The following CPE variants were observed in gnomAD, a reference collection of about 807,000 sequenced individuals.
CPE encodes the protein carboxypeptidase E, also known as carbocypeptidase E.
In CPE, 17 loss-of-function variants were observed where a neutral mutation model predicts 53.5. The ratio of observed to expected loss-of-function variants is 0.32; its 90% CI spans 0.22 to 0.48. The LOEUF (loss-of-function observed/expected upper bound fraction) is 0.48, where lower values mean the gene tolerates loss of function less well. Ranked by LOEUF, CPE falls within the 20% of genes least tolerant of loss-of-function variation. The pLI is 0.99. For synonymous variants in CPE, 226 were observed against 228.8 expected (o/e 0.99, Z 0.11); for missense variants, 524 against 614.7 (o/e 0.85, Z 1.56).
intron 4 of CPE, among the ~76,000 whole-genome samples, chr4:165,483,212 T>C (rs1368503434): frequency 6.6e-6 from 1 of 152,166 alleles, no homozygotes; most frequent in Non-Finnish European, 1.5e-5. Context: ...GTACACCCAT[T>C]GTTTAGCTTC....
chr4:165,381,849 G>T lies in CPE; in HGVS notation c.307+2321G>T, dbSNP rs137885001. On this transcript the variant is annotated intron_variant, in intron 1 of 8. Transcript: ENST00000402744. ...TAAATGGCCTTTCAGTTTCTTTTAG[G>T]TTAAACTATTTTAAGAAGTAAAAAG... Among the ~76,000 whole-genome samples, 150 of 152,338 alleles carry T rather than the reference G, an allele frequency of 9.8e-4. 1 individual carries two copies. The East Asian group carries it at 0.027, about 27-fold the overall frequency.
chr4:165,468,361 T>A (rs1365932448), intron 3 of CPE, among the ~76,000 whole-genome samples: 1 of 152,184 alleles, frequency 6.6e-6, no homozygotes, highest in African/African-American at 2.4e-5. Flanking sequence ...CTTCCCTCCT[T>A]ACCTGTACTT....
At chr4:165,461,191 AGAAAG>A (rs1731997153) in intron 1 of CPE, among the ~76,000 whole-genome samples, 1 of 146,694 alleles carries the variant, frequency 6.8e-6, no homozygotes, top group Non-Finnish European at 1.5e-5. Context: ...AAAAAAAGAA[AGAAAG>A]AAAAGAAAAG....
chr4:165,468,766 A>G (rs948104942), intron 3 of CPE, among the ~76,000 whole-genome samples: 4 of 152,086 alleles, frequency 2.6e-5, no homozygotes, highest in East Asian at 1.9e-4. Context: ...ACTCTATTCT[A>G]TCTTCTCAAA....
chr4:165,411,925 A>G (rs529267027), intron 1 of CPE, among the ~76,000 whole-genome samples: 5 of 152,182 alleles, frequency 3.3e-5, no homozygotes, highest in Non-Finnish European at 5.9e-5. Context: ...ACGTTCCTCC[A>G]GGAGGAGGAA....
chr4:165,397,034 C>G (rs552599133), intron 1 of CPE, among the ~76,000 whole-genome samples: 1 of 152,162 alleles, frequency 6.6e-6, no homozygotes, highest in Admixed American at 6.5e-5. Flanking sequence ...GAACTCCAGC[C>G]TGGGTGATAG....
intron 1 of CPE, among the ~76,000 whole-genome samples, chr4:165,384,345 T>C (rs1057367218): frequency 1.3e-5 from 2 of 152,216 alleles, no homozygotes; most frequent in Admixed American, 1.3e-4. Flanking sequence ...GCTTTTACCA[T>C]GGGATTTCCT....
At chr4:165,440,905 T>G (rs1731599363) in intron 1 of CPE, among the ~76,000 whole-genome samples, 1 of 152,136 alleles carries the variant, frequency 6.6e-6, no homozygotes, top group Admixed American at 6.5e-5. Flanking sequence ...CGGTGTGGTA[T>G]GAATCTTAAA....
chr4:165,440,465 CACACA>C (rs1731589909), intron 1 of CPE, among the ~76,000 whole-genome samples: 1 of 126,434 alleles, frequency 7.9e-6, no homozygotes, highest in African/African-American at 3.2e-5. Flanking sequence ...CCCCCCCCCA[CACACA>C]CAAGCTGTGG....
At chr4:165,474,630 T>C (rs1732263341) in intron 3 of CPE, among the ~76,000 whole-genome samples, 1 of 152,172 alleles carries the variant, frequency 6.6e-6, no homozygotes, top group African/African-American at 2.4e-5. Flanking sequence ...GATACTAGAG[T>C]AAACAGTGGG....
chr4:165,465,827 G>A (rs1732088032), intron 2 of CPE, among the ~76,000 whole-genome samples: 2 of 151,986 alleles, frequency 1.3e-5, no homozygotes, highest in Admixed American at 1.3e-4. Context: ...CTAATCTTTA[G>A]TTATTCTTCT....
rs570811620 is a variant in CPE at position 165,434,959 on chromosome 4, G to A, written c.308-29431G>A. ...AAACCTGTTGTTAAAAAAAAGCCTG[G>A]CACCTCCCTTCTTTTGCTCTGGCTT... On this transcript the variant is annotated intron_variant, in intron 1 of 8. Transcript: ENST00000402744. 5.3e-4 allele frequency among the ~76,000 whole-genome samples: 81 copies of A among 152,124 alleles called. 1 individual carries two copies. The highest frequency in any genetic ancestry group is 1.7e-3 in the African/African-American group (70 of 41,502).
At chr4:165,474,384 T>G (rs969791652) in intron 3 of CPE, among the ~76,000 whole-genome samples, 5 of 152,182 alleles carry the variant, frequency 3.3e-5, no homozygotes, top group Admixed American at 3.3e-4. Flanking sequence ...TTTCTGTTTT[T>G]GGGGATGCAT....
rs1391858236 is a variant in CPE, at chr4:165,388,199, A to G, written c.307+8671A>G. Reference sequence around the variant, plus strand: ...ACTCTGCTCAAAATTTGCACAAATCATAACCTTTAGCCATGAGTTCAGGGT... The same window carrying G: ...ACTCTGCTCAAAATTTGCACAAATCGTAACCTTTAGCCATGAGTTCAGGGT... On this transcript the variant is annotated intron_variant, in intron 1 of 8. Coordinates refer to ENST00000402744, the MANE Select transcript of CPE (RefSeq NM_001873.4). Among the ~76,000 whole-genome samples the G allele has an allele frequency of 2.0e-5, 3 of 152,354 alleles. No individual in the cohort carries two copies. The East Asian group carries it at 5.8e-4, about 29-fold the overall frequency.
At chr4:165,381,295 G>A (rs938239034) in intron 1 of CPE, 5 of 456,170 alleles carry the variant, frequency 1.1e-5, no homozygotes, top group African/African-American at 2.0e-5. Flanking sequence ...CAAGCTGTAT[G>A]AAGTGGGGAC....
intron 1 of CPE, among the ~76,000 whole-genome samples, chr4:165,395,384 C>T (rs1372845892): frequency 1.3e-5 from 2 of 151,988 alleles, no homozygotes; most frequent in African/African-American, 4.8e-5. Context: ...GAGTGGGAGT[C>T]CAGAGCCTAG....
At chr4:165,386,495 A>G (rs557910118) in intron 1 of CPE, among the ~76,000 whole-genome samples, 7 of 152,356 alleles carry the variant, frequency 4.6e-5, no homozygotes, top group African/African-American at 1.7e-4. Flanking sequence ...GCATGCCAGT[A>G]GTGTGATAAC....
At chr4:165,459,700 G>A (rs1027651806) in intron 1 of CPE, among the ~76,000 whole-genome samples, 1 of 132,510 alleles carries the variant, frequency 7.5e-6, no homozygotes, top group South Asian at 2.4e-4. Context: ...AGATCATGAG[G>A]TCAGGAGGAG....
chr4:165,462,989 T>C (rs1418722131), intron 1 of CPE, among the ~76,000 whole-genome samples: 1 of 152,200 alleles, frequency 6.6e-6, no homozygotes, highest in Non-Finnish European at 1.5e-5. Flanking sequence ...CTTAGTGATT[T>C]TGTAAATGCA....
Sources: gnomAD v4.1 joint callset for allele counts (sites outside exome capture counted in the v4.1 genomes callset) on GRCh38, gnomAD v4.1.1 for gene constraint, MANE v1.5 for transcripts, NCBI Gene and HGNC (gene_info 2026-07-23, HGNC 2026-07-21) for gene names.